The following AGBL4 variants were observed in gnomAD, a reference collection of about 807,000 sequenced individuals.
The protein encoded by AGBL4 is cytosolic carboxypeptidase 6.
Under a neutral mutation model 66.4 loss-of-function variants are expected in AGBL4, and 58 were observed. The observed-to-expected ratio is 0.87, with a 90% CI of 0.71 to 1.09. The LOEUF (loss-of-function observed/expected upper bound fraction) is 1.09. Ranked by LOEUF, AGBL4 falls within the 50% of genes least tolerant of loss-of-function variation. The probability of loss-of-function intolerance (pLI) is 0.00; values close to 1 mark genes in which losing one functional copy is unlikely to be tolerated. For synonymous variants in AGBL4, 234 were observed against 222.9 expected, an observed-to-expected ratio of 1.05 and a Z score of -0.44; for missense variants, 579 against 631.0, an observed-to-expected ratio of 0.92 and a Z score of 0.88.
intron 1 of AGBL4, among the ~76,000 whole-genome samples, chr1:49,879,316 G>A (rs1227630701): frequency 6.6e-6 from 1 of 151,398 alleles, no homozygotes; most frequent in East Asian, 2.0e-4. Flanking sequence ...TTCTTTCCAT[G>A]TTTAGCGCTT....
intron 3 of AGBL4, among the ~76,000 whole-genome samples, chr1:49,641,196 A>G (rs1373961774): frequency 6.6e-6 from 1 of 152,168 alleles, no homozygotes; most frequent in Non-Finnish European, 1.5e-5. Context: ...GCTGGGTAGT[A>G]AAGGAGAACC....
intron 3 of AGBL4, among the ~76,000 whole-genome samples, chr1:49,273,024 T>C (rs1644094454): frequency 6.6e-6 from 1 of 152,188 alleles, no homozygotes; most frequent in South Asian, 2.1e-4. Flanking sequence ...TCCATAATAT[T>C]TTCAAATACT....
At chr1:49,787,217 G>C (rs940355022) in intron 2 of AGBL4, among the ~76,000 whole-genome samples, 6 of 152,094 alleles carry the variant, frequency 3.9e-5, no homozygotes, top group African/African-American at 1.4e-4. Context: ...CCCTAACAAA[G>C]ATTGGCCGGG....
At chr1:49,704,838 A>G (rs972800777) in intron 2 of AGBL4, among the ~76,000 whole-genome samples, 50 of 152,270 alleles carry the variant, frequency 3.3e-4, no homozygotes, top group Admixed American at 3.1e-3. Context: ...GTAGCTTTGT[A>G]GCATAATTTG....
chr1:49,935,960 C>T (rs560514009), intron 1 of AGBL4, among the ~76,000 whole-genome samples: 1 of 152,216 alleles, frequency 6.6e-6, no homozygotes, highest in African/African-American at 2.4e-5. Context: ...ACAGTTCCTC[C>T]CCAGCAATGG....
chr1:48,660,572 A>G (rs1646091557), intron 7 of AGBL4, among the ~76,000 whole-genome samples: 1 of 152,034 alleles, frequency 6.6e-6, no homozygotes, highest in East Asian at 1.9e-4. Flanking sequence ...CATGTAGCTG[A>G]GACACCCTTA....
At chr1:49,564,003 T>C (rs948655045) in intron 3 of AGBL4, among the ~76,000 whole-genome samples, 2 of 152,202 alleles carry the variant, frequency 1.3e-5, no homozygotes, top group African/African-American at 4.8e-5. Context: ...TATTGGTCTA[T>C]TAAGGGATTC....
intron 3 of AGBL4, among the ~76,000 whole-genome samples, chr1:49,523,649 G>T (rs1357902773): frequency 6.6e-6 from 1 of 152,030 alleles, no homozygotes; most frequent in African/African-American, 2.4e-5. Flanking sequence ...ACGTAAGGTT[G>T]ATTTTAATCC....
intron 3 of AGBL4, among the ~76,000 whole-genome samples, chr1:49,613,012 GA>G (rs1454764580): frequency 6.6e-6 from 1 of 152,066 alleles, no homozygotes; most frequent in Non-Finnish European, 1.5e-5. Context: ...ACTGGATAAA[GA>G]AAATGTACAT....
chr1:49,542,937 T>C (rs1570987986), intron 3 of AGBL4, among the ~76,000 whole-genome samples: 1 of 131,774 alleles, frequency 7.6e-6, no homozygotes, highest in East Asian at 2.3e-4. Context: ...TCAACAACTC[T>C]AGAAACTAGG....
At chr1:48,998,373 T>G (rs578033094) in intron 5 of AGBL4, among the ~76,000 whole-genome samples, 2 of 152,322 alleles carry the variant, frequency 1.3e-5, no homozygotes, top group Admixed American at 1.3e-4. Context: ...CTCTGAGCTA[T>G]AGCCTGCCCA....
At chr1:49,495,532 G>A (rs143929220) in intron 3 of AGBL4, among the ~76,000 whole-genome samples, 1 of 150,854 alleles carries the variant, frequency 6.6e-6, no homozygotes, top group African/African-American at 2.4e-5. Context: ...GTGGATTTTT[G>A]ATTTCAGAAG....
At chr1:49,991,991 T>A (rs1053984235) in intron 1 of AGBL4, among the ~76,000 whole-genome samples, 1 of 152,204 alleles carries the variant, frequency 6.6e-6, no homozygotes, top group Non-Finnish European at 1.5e-5. Flanking sequence ...ATAAGGCATA[T>A]AAAGTACCTA....
intron 3 of AGBL4, among the ~76,000 whole-genome samples, chr1:49,658,860 G>C (rs911589795): frequency 2.6e-5 from 4 of 151,878 alleles, no homozygotes; most frequent in African/African-American, 9.7e-5. Context: ...GCCTGTTGTG[G>C]GGTGGGGGAA....
intron 2 of AGBL4, among the ~76,000 whole-genome samples, chr1:49,700,277 C>T (rs1213802663): frequency 6.8e-6 from 1 of 147,110 alleles, no homozygotes; most frequent in Non-Finnish European, 1.5e-5. Flanking sequence ...GTAATTCCAC[C>T]AAGAACATAT....
intron 5 of AGBL4, among the ~76,000 whole-genome samples, chr1:49,016,676 G>A (rs879610837): frequency 6.6e-6 from 1 of 152,184 alleles, no homozygotes; most frequent in East Asian, 1.9e-4. Context: ...GGATGTGATA[G>A]AATTATTCAG....
chr1:49,845,407 C>T, intron 2 of AGBL4: 1 of 1,384,786 alleles, frequency 7.2e-7, no homozygotes, highest in Admixed American at 1.7e-5. Context: ...AAACAAGAAG[C>T]CCTATGAGTG....
At chr1:49,142,277 C>T (rs1222258304) in intron 4 of AGBL4, among the ~76,000 whole-genome samples, 1 of 152,070 alleles carries the variant, frequency 6.6e-6, no homozygotes, top group Non-Finnish European at 1.5e-5. Flanking sequence ...TGGAGACTGC[C>T]ATCTTGAAAT....
chr1:49,326,459 A>C (rs2148484185), intron 3 of AGBL4, among the ~76,000 whole-genome samples: 1 of 152,268 alleles, frequency 6.6e-6, no homozygotes, highest in East Asian at 1.9e-4. Flanking sequence ...TAGAGGAGAG[A>C]CATTTTGGGG....
Sources: gnomAD v4.1 joint callset for allele counts (sites outside exome capture counted in the v4.1 genomes callset) on GRCh38, gnomAD v4.1.1 for gene constraint, MANE v1.5 for transcripts, NCBI Gene and HGNC (gene_info 2026-07-23, HGNC 2026-07-21) for gene names.